The following TMEM163 variants were observed in gnomAD, a reference collection of about 807,000 sequenced individuals.
TMEM163 encodes the protein transmembrane protein 163.
A neutral mutation model predicts 29.3 loss-of-function variants in TMEM163; 17 were observed. The ratio of observed to expected loss-of-function variants is 0.58; its 90% confidence interval spans 0.40 to 0.87. TMEM163 has a LOEUF of 0.87. Among genes scored for constraint, TMEM163 ranks in the 40% least tolerant of loss-of-function variants. The pLI is 0.00. For missense variants in TMEM163, 303 were observed against 381.5 expected (o/e 0.79, Z 1.71); for synonymous variants, 157 against 160.6 (o/e 0.98, Z 0.17).
chr2:134,461,570 A>G (rs1686537792), intron 6 of TMEM163, among the ~76,000 whole-genome samples: 1 of 152,208 alleles, frequency 6.6e-6, no homozygotes, highest in Non-Finnish European at 1.5e-5. Flanking sequence ...CAGTCCCAAT[A>G]GCAACAAACC....
intron 2 of TMEM163, among the ~76,000 whole-genome samples, chr2:134,685,701 A>G (rs1181403130): frequency 6.6e-6 from 1 of 152,216 alleles, no homozygotes; most frequent in African/African-American, 2.4e-5. Context: ...CAAAGGGAAC[A>G]TGGAAGAAAC....
chr2:134,617,690 C>CA (rs914956915), intron 2 of TMEM163, among the ~76,000 whole-genome samples: 11 of 146,788 alleles, frequency 7.5e-5, no homozygotes, highest in Non-Finnish European at 1.0e-4. Context: ...ACGGGAACAA[C>CA]AAAAAAAATG....
intron 4 of TMEM163, among the ~76,000 whole-genome samples, chr2:134,533,669 T>C (rs765814608): frequency 9.2e-5 from 14 of 152,204 alleles, no homozygotes; most frequent in Non-Finnish European, 1.5e-4. Flanking sequence ...AGGTTAATTA[T>C]ATAAGCAGAT....
At chr2:134,611,992 G>A (rs1682513574) in intron 2 of TMEM163, among the ~76,000 whole-genome samples, 1 of 152,238 alleles carries the variant, frequency 6.6e-6, no homozygotes, top group African/African-American at 2.4e-5. Context: ...GGAAGTGGAA[G>A]AAACACCGGA....
chr2:134,526,782 G>C (rs1680308028), intron 4 of TMEM163, among the ~76,000 whole-genome samples: 1 of 152,192 alleles, frequency 6.6e-6, no homozygotes, highest in African/African-American at 2.4e-5. Context: ...CATCATAAAA[G>C]TTCCATGTCT....
In TMEM163 at chr2:134,516,730, T is replaced by G. The variant is rs1402369878; in HGVS notation, c.459-13733A>C. Among the ~76,000 whole-genome samples, 9 of 120,550 alleles carry G rather than the reference T, an allele frequency of 7.5e-5. 1 individual carries two copies. The highest frequency in any genetic ancestry group is 2.8e-4 in the East Asian group (1 of 3,622). 79.1% of individuals were successfully genotyped at this position (120,550 alleles called of 152,430 possible). A position where few individuals can be genotyped will look rare whatever the true frequency, so the allele number is the denominator to read the frequency against. On this transcript the variant is annotated intron_variant, in intron 4 of 7. Coordinates refer to ENST00000281924, the MANE Select transcript of TMEM163 (RefSeq NM_030923.5). Reference sequence around the variant, plus strand: ...ATATATACATATATATTCATATATATGCATATATATGCATATATATATGAA... The same window carrying G: ...ATATATACATATATATTCATATATAGGCATATATATGCATATATATATGAA...
intron 4 of TMEM163, among the ~76,000 whole-genome samples, chr2:134,536,514 C>T (rs752273450): frequency 2.6e-5 from 4 of 152,116 alleles, no homozygotes; most frequent in African/African-American, 9.7e-5. Flanking sequence ...TGGAGGCTAG[C>T]GGCACAGGGC....
At chr2:134,534,494 G>A (rs1336093305) in intron 4 of TMEM163, among the ~76,000 whole-genome samples, 2 of 152,152 alleles carry the variant, frequency 1.3e-5, no homozygotes, top group African/African-American at 2.4e-5. Context: ...GCTCACGCCT[G>A]TAATCCTAAC....
chr2:134,458,852 A>G (rs1686460636), intron 6 of TMEM163: 1 of 152,140 alleles, frequency 6.6e-6, no homozygotes, highest in Admixed American at 6.6e-5. Context: ...TTTGCAAAGT[A>G]TTGGCTACAT....
intron 5 of TMEM163, among the ~76,000 whole-genome samples, chr2:134,493,408 C>G (rs1397358740): frequency 1.8e-5 from 2 of 112,784 alleles, no homozygotes; most frequent in East Asian, 3.0e-4. Context: ...GAGTCTCACT[C>G]TGTCGCCCAG....
chr2:134,609,959 A>C (rs1052065846), intron 2 of TMEM163, among the ~76,000 whole-genome samples: 9 of 152,164 alleles, frequency 5.9e-5, no homozygotes, highest in Admixed American at 4.6e-4. Flanking sequence ...CGAGGCCTAC[A>C]GGGGAAGGGG....
chr2:134,665,210 T>C (rs1473008097), intron 2 of TMEM163, among the ~76,000 whole-genome samples: 3 of 152,118 alleles, frequency 2.0e-5, no homozygotes, highest in African/African-American at 7.2e-5. Flanking sequence ...TACCCAGGAC[T>C]GGGTAATTTA....
intron 2 of TMEM163, among the ~76,000 whole-genome samples, chr2:134,558,598 G>A (rs1343608670): frequency 6.6e-6 from 1 of 152,152 alleles, no homozygotes; most frequent in Non-Finnish European, 1.5e-5. Flanking sequence ...CAGGCTTTGA[G>A]GGAGGGTTCT....
intron 4 of TMEM163, among the ~76,000 whole-genome samples, chr2:134,521,370 G>C (rs1339931506): frequency 6.6e-6 from 1 of 152,138 alleles, no homozygotes; most frequent in African/African-American, 2.4e-5. Flanking sequence ...TTGCACCCTA[G>C]AGAACAAGGG....
intron 2 of TMEM163, among the ~76,000 whole-genome samples, chr2:134,700,412 T>C (rs945113028): frequency 7.2e-5 from 11 of 152,236 alleles, no homozygotes; most frequent in Non-Finnish European, 1.2e-4. Context: ...CCCTGTTCCA[T>C]ATTCTGGATA....
chr2:134,525,557 T>G (rs1231297171), intron 4 of TMEM163, among the ~76,000 whole-genome samples: 1 of 152,146 alleles, frequency 6.6e-6, no homozygotes, highest in East Asian at 1.9e-4. Context: ...ACATTATAAG[T>G]GTTGTGTGAA....
intron 2 of TMEM163, among the ~76,000 whole-genome samples, chr2:134,677,739 T>C (rs1574332406): frequency 6.6e-6 from 1 of 152,352 alleles, no homozygotes; most frequent in Admixed American, 6.5e-5. Context: ...TCCCATTTTT[T>C]CCAAAATGAT....
At chr2:134,509,967 G>T (rs1478894606) in intron 4 of TMEM163, among the ~76,000 whole-genome samples, 2 of 152,184 alleles carry the variant, frequency 1.3e-5, no homozygotes, top group African/African-American at 4.8e-5. Flanking sequence ...GCACTGTGGG[G>T]CCCTATTTCA....
chr2:134,674,497 G>GCA (rs1558987349), intron 2 of TMEM163, among the ~76,000 whole-genome samples: 3 of 86,852 alleles, frequency 3.5e-5, no homozygotes, highest in African/African-American at 1.8e-4. Flanking sequence ...GCGCGCGCGC[G>GCA]CGCGCGCGCG....
Sources: allele counts gnomAD v4.1 joint callset (sites outside exome capture counted in the v4.1 genomes callset), GRCh38; gene constraint gnomAD v4.1.1; transcripts MANE v1.5; gene names NCBI Gene and HGNC (gene_info 2026-07-23, HGNC 2026-07-21).